THNSL1: variants seen among roughly 807,000 people sequenced by gnomAD.
The protein encoded by THNSL1 is threonine synthase like 1.
In THNSL1, 48 loss-of-function variants were observed where a neutral mutation model predicts 50.4. That is an observed-to-expected ratio of 0.95 (90% CI 0.76 to 1.21). The LOEUF is 1.21. Ranked by LOEUF, THNSL1 falls within the 50% of genes most tolerant of loss-of-function variation. The pLI is 0.00. For missense variants in THNSL1, 896 were observed against 871.7 expected, an observed-to-expected ratio of 1.03 and a Z score of -0.35; for synonymous variants, 309 against 306.1, an observed-to-expected ratio of 1.01 and a Z score of -0.10.
At chr10:24,971,828 C>G in the THNSL1 span, among the ~76,000 whole-genome samples, 11 of 152,264 alleles carry the variant, frequency 7.2e-5, no homozygotes, top group Admixed American at 3.9e-4. Context: ...GAGGAACAAA[C>G]TTGGTTATTG....
the THNSL1 span, among the ~76,000 whole-genome samples, chr10:24,997,073 G>A: frequency 0.029 from 4,347 of 152,248 alleles, 139 homozygotes; most frequent in African/African-American, 0.078. Context: ...ACCCTGCTGC[G>A]TGTGGTGTTG....
intron 2 of THNSL1, among the ~76,000 whole-genome samples, chr10:25,022,514 T>C (rs2132754988): frequency 6.6e-6 from 1 of 152,346 alleles, no homozygotes; most frequent in Middle Eastern, 3.4e-3. Flanking sequence ...ATGAATAATA[T>C]GTAACAATGA....
chr10:25,008,260 T>G, the THNSL1 span, among the ~76,000 whole-genome samples: 1 of 152,250 alleles, frequency 6.6e-6, no homozygotes, highest in East Asian at 1.9e-4. Flanking sequence ...AAAAGAGACT[T>G]TGGAATAGTC....
At chr10:24,984,686 G>A in the THNSL1 span, 1 of 1,502,500 alleles carries the variant, frequency 6.7e-7, no homozygotes, top group African/African-American at 1.4e-5. Flanking sequence ...TATTTTCCAT[G>A]TTTTTTTCCC....
At chr10:25,016,267 ATTTGGAAGCCACTG>A, upstream of THNSL1, 1 of 790,380 alleles carries the variant, frequency 1.3e-6, no homozygotes, top group Non-Finnish European at 1.6e-6. Flanking sequence ...AGAGAAGCTC[ATTTGGAAGCCACTG>A]TTTTTACGTG....
the THNSL1 span, among the ~76,000 whole-genome samples, chr10:25,009,881 A>C: frequency 3.3e-5 from 5 of 152,196 alleles, no homozygotes; most frequent in Non-Finnish European, 7.3e-5. Context: ...AGGCCTCCCC[A>C]GCCATGTGGA....
chr10:24,953,933 G>T, the THNSL1 span, among the ~76,000 whole-genome samples: 1 of 152,228 alleles, frequency 6.6e-6, no homozygotes, highest in African/African-American at 2.4e-5. Flanking sequence ...CAGCTCCAGA[G>T]ATCCCTGAAA....
chr10:24,965,797 G>A, the THNSL1 span, among the ~76,000 whole-genome samples: 1 of 152,144 alleles, frequency 6.6e-6, no homozygotes, highest in Non-Finnish European at 1.5e-5. Context: ...TCAGCAAGTC[G>A]TGGGCCTATA....
At chr10:25,018,253 T>G (rs980698553) in intron 1 of THNSL1, among the ~76,000 whole-genome samples, 1 of 152,232 alleles carries the variant, frequency 6.6e-6, no homozygotes, top group Non-Finnish European at 1.5e-5. Context: ...TCTCCTTGCC[T>G]TTTGAAAGTG....
the THNSL1 span, among the ~76,000 whole-genome samples, chr10:25,009,706 G>A: frequency 6.6e-6 from 1 of 152,282 alleles, no homozygotes; most frequent in Non-Finnish European, 1.5e-5. Context: ...CCAGTGGGAG[G>A]TAAGTGAATC....
At chr10:25,002,472 C>A in the THNSL1 span, among the ~76,000 whole-genome samples, 2 of 152,190 alleles carry the variant, frequency 1.3e-5, no homozygotes, top group Admixed American at 6.6e-5. Context: ...CCTGGAATTT[C>A]TCTCCAGAGA....
chr10:24,954,380 T>C, the THNSL1 span, among the ~76,000 whole-genome samples: 6 of 152,082 alleles, frequency 3.9e-5, no homozygotes, highest in African/African-American at 1.2e-4. Flanking sequence ...TGCTTGGATA[T>C]CAAAACTTAG....
At chr10:24,969,972 A>G in the THNSL1 span, among the ~76,000 whole-genome samples, 1 of 152,208 alleles carries the variant, frequency 6.6e-6, no homozygotes, top group Non-Finnish European at 1.5e-5. Context: ...GTTTCCAGAA[A>G]CCACTTGAGG....
chr10:24,979,145 A>C, the THNSL1 span, among the ~76,000 whole-genome samples: 4 of 152,244 alleles, frequency 2.6e-5, no homozygotes, highest in Non-Finnish European at 4.4e-5. Context: ...TGAGAGTTAC[A>C]TATGATGTTC....
chr10:24,974,616 T>A, the THNSL1 span, among the ~76,000 whole-genome samples: 1 of 152,258 alleles, frequency 6.6e-6, no homozygotes, highest in Non-Finnish European at 1.5e-5. Context: ...TTTTGCTTTT[T>A]GAAAACTTTT....
the THNSL1 span, among the ~76,000 whole-genome samples, chr10:24,991,621 C>T: frequency 6.6e-6 from 1 of 152,166 alleles, no homozygotes; most frequent in Admixed American, 6.5e-5. Flanking sequence ...TGCCCGGCTC[C>T]AGGGAAAAAC....
the THNSL1 span, among the ~76,000 whole-genome samples, chr10:24,971,512 C>T: frequency 6.6e-6 from 1 of 152,174 alleles, no homozygotes; most frequent in African/African-American, 2.4e-5. Flanking sequence ...TAGCCTGGCT[C>T]ATAAGTATTT....
chr10:24,977,442 G>GT, the THNSL1 span, among the ~76,000 whole-genome samples: 1 of 152,104 alleles, frequency 6.6e-6, no homozygotes, highest in East Asian at 1.9e-4. Context: ...AAACAGCAAA[G>GT]TAAAAAATAG....
rs200126681 is a variant in THNSL1, at chr10:25,024,338, A to T, written c.1115A>T (p.Tyr372Phe). The T allele has an allele frequency of 3.2e-5, 51 of 1,614,208 alleles. No individual in the cohort carries two copies. The Admixed American group carries it at 6.2e-4, about 20-fold the overall frequency. Residue 372 changes from tyrosine to phenylalanine, a missense_variant, in exon 3 of 3, where the codon TAT becomes TTT. Physicochemically the swap from Tyr to Phe is conservative, Grantham distance 22. Coordinates refer to ENST00000376356, the MANE Select transcript of THNSL1 (RefSeq NM_024838.5). ...FAHCIPPSCN[Y>F]MILVATSGDT... ...CACTGTATCCCACCAAGTTGCAATT[A>T]TATGATACTTGTAGCTACTTCAGGA... is the stretch of plus-strand genomic sequence containing the variant.
Sources: allele counts gnomAD v4.1 joint callset (sites outside exome capture counted in the v4.1 genomes callset), GRCh38; gene constraint gnomAD v4.1.1; transcripts MANE v1.5; gene names NCBI Gene and HGNC (gene_info 2026-07-23, HGNC 2026-07-21).